CASK: variants seen among roughly 807,000 people sequenced by gnomAD.
The protein encoded by CASK is calcium/calmodulin dependent serine protein kinase.
In CASK, 4 loss-of-function variants were observed where a neutral mutation model predicts 82.9. The observed-to-expected ratio is 0.05, with a 90% CI of 0.02 to 0.11. CASK has a LOEUF of 0.11. CASK is among the 10% of genes least tolerant of loss of function. CASK has a pLI of 1.00. For synonymous variants in CASK, 259 were observed against 253.5 expected (o/e 1.02, Z -0.20); for missense variants, 358 against 720.9 (o/e 0.50, Z 5.76).
At chrX:41,897,616 C>T (rs756656380) in intron 1 of CASK, among the ~76,000 whole-genome samples, 2 of 111,421 alleles carry the variant, frequency 1.8e-5, no homozygotes, top group East Asian at 5.6e-4. Flanking sequence ...TATAAAATTA[C>T]TCATTTCAGA....
chrX:41,850,381 C>T (rs1328701838), intron 2 of CASK, among the ~76,000 whole-genome samples: 1 of 110,288 alleles, frequency 9.1e-6, no homozygotes, highest in Non-Finnish European at 1.9e-5. Context: ...CTTTAAAGAC[C>T]TATTTCACTC....
At chrX:41,556,743 C>CT (rs2065163882) in intron 19 of CASK, among the ~76,000 whole-genome samples, 1 of 112,300 alleles carries the variant, frequency 8.9e-6, no homozygotes, top group Non-Finnish European at 1.9e-5. Flanking sequence ...ACATCCTTTG[C>CT]ATAGGTTTGA....
chrX:41,545,677 C>G (rs1468692412), intron 21 of CASK, among the ~76,000 whole-genome samples: 1 of 111,945 alleles, frequency 8.9e-6, no homozygotes, highest in Non-Finnish European at 1.9e-5. Flanking sequence ...CTTAGCTTGT[C>G]AATTTCAAAA....
At chrX:41,865,972 C>T (rs1384995244) in intron 1 of CASK, among the ~76,000 whole-genome samples, 2 of 112,367 alleles carry the variant, frequency 1.8e-5, no homozygotes, top group Non-Finnish European at 3.8e-5. Context: ...AGACACATGG[C>T]TTCGCTGCGG....
At chrX:41,752,389 CAA>C (rs1192430755) in intron 3 of CASK, among the ~76,000 whole-genome samples, 2 of 109,802 alleles carry the variant, frequency 1.8e-5, no homozygotes, top group Non-Finnish European at 3.8e-5. Context: ...CTCCCAGGGT[CAA>C]GTTATTCTTC....
At chrX:41,672,730 A>G (rs2067212703) in intron 5 of CASK, among the ~76,000 whole-genome samples, 1 of 112,049 alleles carries the variant, frequency 8.9e-6, no homozygotes, top group African/African-American at 3.2e-5. Flanking sequence ...AGACTTTTCC[A>G]ATAGTCTAGC....
At chrX:41,656,888 C>T (rs1433100323) in intron 8 of CASK, among the ~76,000 whole-genome samples, 3 of 111,816 alleles carry the variant, frequency 2.7e-5, no homozygotes, top group Admixed American at 9.5e-5. Context: ...GCCATAACTA[C>T]CAGTGTTAGA....
At chrX:41,578,842 A>G (rs1190253672) in intron 14 of CASK, among the ~76,000 whole-genome samples, 1 of 112,226 alleles carries the variant, frequency 8.9e-6, no homozygotes, top group Non-Finnish European at 1.9e-5. Flanking sequence ...GGTATCATTC[A>G]TCTAAAGAGA....
intron 3 of CASK, among the ~76,000 whole-genome samples, chrX:41,752,086 A>G (rs1037625009): frequency 9.2e-6 from 1 of 108,620 alleles, no homozygotes; most frequent in Admixed American, 9.9e-5. Context: ...AACACCCCAA[A>G]AACCTCAATG....
intron 2 of CASK, among the ~76,000 whole-genome samples, chrX:41,831,527 TAG>T (rs1361016349): frequency 8.9e-6 from 1 of 112,525 alleles, no homozygotes; most frequent in African/African-American, 3.2e-5. Context: ...CAGTTATAGA[TAG>T]AGTCTTTACT....
intron 5 of CASK, among the ~76,000 whole-genome samples, chrX:41,730,752 G>A (rs1035598330): frequency 1.8e-5 from 2 of 111,328 alleles, no homozygotes; most frequent in African/African-American, 6.5e-5. Flanking sequence ...ACCCAAGCTG[G>A]AGTGCAGTGG....
chrX:41,570,603 A>C (rs1323915912), intron 15 of CASK, among the ~76,000 whole-genome samples: 1 of 111,843 alleles, frequency 8.9e-6, no homozygotes, highest in Non-Finnish European at 1.9e-5. Context: ...ACAATCAAAA[A>C]GCTGATAATA....
At chrX:41,628,554 C>T (rs770099243) in intron 9 of CASK, among the ~76,000 whole-genome samples, 1 of 112,018 alleles carries the variant, frequency 8.9e-6, no homozygotes, top group East Asian at 2.8e-4. Context: ...ATCCACCCAC[C>T]TCGGCCTCCC....
rs146143922 is a variant in CASK at position 41,714,998 on chromosome X, C to T, written c.429+24386G>A. The stretch of plus-strand genomic sequence containing the variant: ...TTCTACTGAGACTTGGACAGGGCCC[C>T]GTAAACAGCTCTCAACTGACCAACA... On this transcript the variant is annotated intron_variant, in intron 5 of 26. Transcript: ENST00000378163. 8.7e-3 allele frequency among the ~76,000 whole-genome samples: 980 copies of T among 112,082 alleles called. 14 individuals carry two copies. The highest frequency in any genetic ancestry group is 0.03 in the African/African-American group (940 of 30,851).
chrX:41,729,095 A>G (rs1467174518), intron 5 of CASK: 2 of 123,546 alleles, frequency 1.6e-5, no homozygotes, highest in African/African-American at 6.5e-5. Flanking sequence ...TTTTTTGTGA[A>G]ATAAATGAAT....
chrX:41,648,863 G>C (rs895895406), intron 8 of CASK, among the ~76,000 whole-genome samples: 4 of 111,330 alleles, frequency 3.6e-5, no homozygotes, highest in Non-Finnish European at 7.5e-5. Flanking sequence ...TGGTAGAATT[G>C]GGCTGTGAAT....
intron 15 of CASK, among the ~76,000 whole-genome samples, chrX:41,570,003 CTTTTTTCTT>C (rs1190383326): frequency 1.8e-4 from 14 of 79,092 alleles, no homozygotes; most frequent in African/African-American, 5.9e-4. Flanking sequence ...CTTTTCTTTT[CTTTTTTCTT>C]TTTTTTTTTT....
At chrX:41,676,124 TCTC>T in intron 5 of CASK, 2 of 1,145,537 alleles carry the variant, frequency 1.7e-6, no homozygotes, top group African/African-American at 3.5e-5. Flanking sequence ...ATGGTAGTAA[TCTC>T]CTTTCATTTT....
intron 12 of CASK, among the ~76,000 whole-genome samples, chrX:41,607,330 C>A (rs184585553): frequency 8.9e-6 from 1 of 111,886 alleles, no homozygotes; most frequent in Non-Finnish European, 1.9e-5. Context: ...AACTTTGAAA[C>A]CAATTTGGGC....
Sources: gnomAD v4.1 joint callset for allele counts (sites outside exome capture counted in the v4.1 genomes callset) on GRCh38, gnomAD v4.1.1 for gene constraint, MANE v1.5 for transcripts, NCBI Gene and HGNC (gene_info 2026-07-23, HGNC 2026-07-21) for gene names.